ARHGAP32: variants seen among roughly 807,000 people sequenced by gnomAD.
ARHGAP32 encodes the protein rho GTPase-activating protein 32.
A neutral mutation model predicts 186.5 loss-of-function variants in ARHGAP32; 51 were observed. The ratio of observed to expected loss-of-function variants is 0.27; its 90% CI spans 0.22 to 0.35. The LOEUF (loss-of-function observed/expected upper bound fraction) is 0.35. Ranked by LOEUF, ARHGAP32 falls within the 10% of genes least tolerant of loss-of-function variation. The probability of loss-of-function intolerance (pLI) is 1.00; values close to 1 mark genes in which losing one functional copy is unlikely to be tolerated. For missense variants in ARHGAP32, 2,186 were observed against 2,623.5 expected, an observed-to-expected ratio of 0.83 and a Z score of 3.64; for synonymous variants, 950 against 964.3, an observed-to-expected ratio of 0.99 and a Z score of 0.27.
chr11:129,075,848 C>G (rs1673449629), intron 6 of ARHGAP32, among the ~76,000 whole-genome samples: 1 of 152,132 alleles, frequency 6.6e-6, no homozygotes, highest in South Asian at 2.1e-4. Flanking sequence ...AGGACTCCAT[C>G]TTGAAGAGGT....
intron 2 of ARHGAP32, among the ~76,000 whole-genome samples, chr11:129,131,568 A>C (rs1942811226): frequency 6.6e-6 from 1 of 151,966 alleles, no homozygotes; most frequent in Non-Finnish European, 1.5e-5. Flanking sequence ...AAAACCACCC[A>C]AAACCACTTT....
At chr11:129,112,463 GT>G (rs944512644) in intron 5 of ARHGAP32, among the ~76,000 whole-genome samples, 12 of 147,436 alleles carry the variant, frequency 8.1e-5, no homozygotes, top group Non-Finnish European at 1.2e-4. Context: ...TAGTTAGTTT[GT>G]TTTTTTTTTA....
intron 12 of ARHGAP32, among the ~76,000 whole-genome samples, chr11:128,994,151 ATTTTTTTTTC>A (rs972731920): frequency 1.5e-4 from 23 of 149,758 alleles, no homozygotes; most frequent in African/African-American, 5.6e-4. Context: ...ACTCTCTTTC[ATTTTTTTTTC>A]TTTTTTTTTT....
chr11:129,023,950 G>A (rs1938714548), intron 11 of ARHGAP32: 2 of 985,242 alleles, frequency 2.0e-6, no homozygotes, highest in Non-Finnish European at 2.4e-6. Context: ...CAACAGCTCT[G>A]CATTCCGTAC....
At chr11:129,017,447 C>CAAAAAAA (rs71472084) in intron 11 of ARHGAP32, among the ~76,000 whole-genome samples, 1 of 89,624 alleles carries the variant, frequency 1.1e-5, no homozygotes, top group African/African-American at 4.1e-5. Flanking sequence ...GACCCGGTCT[C>CAAAAAAA]AAAAAAAAAA....
chr11:129,222,202 A>G (rs1449490405), intron 1 of ARHGAP32, among the ~76,000 whole-genome samples: 3 of 152,174 alleles, frequency 2.0e-5, no homozygotes, highest in Non-Finnish European at 4.4e-5. Flanking sequence ...AAGAAACGTG[A>G]CAAGTGAACC....
At chr11:129,075,980 C>T (rs1009928576) in intron 6 of ARHGAP32, among the ~76,000 whole-genome samples, 1 of 152,118 alleles carries the variant, frequency 6.6e-6, no homozygotes, top group South Asian at 2.1e-4. Flanking sequence ...GATAAAATAG[C>T]AGGCGGTAAA....
At chr11:129,262,319 T>C (rs1379423376) in intron 1 of ARHGAP32, among the ~76,000 whole-genome samples, 3 of 152,120 alleles carry the variant, frequency 2.0e-5, no homozygotes, top group Non-Finnish European at 4.4e-5. Flanking sequence ...AAATATCTAC[T>C]GAATTAATGT....
intron 1 of ARHGAP32, among the ~76,000 whole-genome samples, chr11:129,238,489 C>T (rs1053214328): frequency 6.6e-6 from 1 of 152,128 alleles, no homozygotes; most frequent in Non-Finnish European, 1.5e-5. Flanking sequence ...CCTCCACTAC[C>T]ACCACACATC....
chr11:129,124,752 G>T (rs1315485420), intron 3 of ARHGAP32, 51 bp downstream of exon 3: 3 of 1,380,926 alleles, frequency 2.2e-6, no homozygotes, highest in South Asian at 1.3e-5. Context: ...TTGAAGAACT[G>T]ATTTCCATTC....
intron 1 of ARHGAP32, among the ~76,000 whole-genome samples, chr11:129,254,690 A>C (rs1197011921): frequency 2.0e-5 from 3 of 152,112 alleles, no homozygotes; most frequent in African/African-American, 7.2e-5. Context: ...TAAGCAAACT[A>C]ATTTCCAAAC....
At position 128,972,490 on chromosome 11, in the gene ARHGAP32, T is replaced by C; in HGVS notation, c.4016A>G (p.Gln1339Arg). Residue 1339 changes from glutamine to arginine, a missense_variant, in exon 22 of 23, where the codon CAA becomes CGA. Transcript: ENST00000682385. ...ATTTAATCCTATATTGGTTGCTGCT[T>C]GTACCTGCCCCACAACTGGTGGCTG... ...AEQPPVVGQV[Q>R]AATNIGLNNS... is the part of the protein sequence containing the mutation. 1.3e-6 allele frequency: 2 copies of C among 1,527,494 alleles called. No individual in the cohort carries two copies. The highest frequency in any genetic ancestry group is 1.8e-6 in the Non-Finnish European group (2 of 1,138,822). The allele number at this position is 1,527,494 out of a possible 1,614,324, so 94.6% of individuals were successfully genotyped here. A position where few individuals can be genotyped will look rare whatever the true frequency, so the allele number is the denominator to read the frequency against.
At chr11:129,184,599 T>C (rs908681896) in intron 1 of ARHGAP32, among the ~76,000 whole-genome samples, 1 of 151,796 alleles carries the variant, frequency 6.6e-6, no homozygotes, top group African/African-American at 2.4e-5. Context: ...AAATAAAAGA[T>C]TAAGGGGACT....
At chr11:129,126,020 A>T (rs1019731868) in intron 2 of ARHGAP32, 1 of 440,040 alleles carries the variant, frequency 2.3e-6, no homozygotes, top group African/African-American at 2.0e-5. Flanking sequence ...TTTTTCCTCT[A>T]TCTTGAAACA....
intron 1 of ARHGAP32, among the ~76,000 whole-genome samples, chr11:129,190,073 G>T (rs1944242182): frequency 6.6e-6 from 1 of 152,196 alleles, no homozygotes; most frequent in African/African-American, 2.4e-5. Flanking sequence ...ACATGTATTT[G>T]CAGAGATTTT....
In ARHGAP32 at chr11:129,104,333, T is replaced by C. The variant is rs375033857; in HGVS notation, c.445-10626A>G. 3.9e-5 allele frequency among the ~76,000 whole-genome samples: 6 copies of C among 152,176 alleles called. No individual in the cohort carries two copies. The East Asian group carries it at 9.6e-4, about 24-fold the overall frequency. ...AATTATGAAAGATGAAAAGTTAGAA[T>C]TATCATCCTGAACAACACTAACATG... On this transcript the variant is annotated intron_variant, in intron 5 of 22. Transcript: ENST00000682385.
intron 1 of ARHGAP32, among the ~76,000 whole-genome samples, chr11:129,217,390 AG>A (rs1944660816): frequency 6.6e-6 from 1 of 152,182 alleles, no homozygotes; most frequent in African/African-American, 2.4e-5. Flanking sequence ...AGTGCAAGAT[AG>A]GTCACCCTGG....
At position 128,972,986 on chromosome 11, in the gene ARHGAP32, C is replaced by T. The variant is rs776440785; in HGVS notation, c.3520G>A (p.Asp1174Asn). The change falls in exon 22 of 23, where the codon GAC (aspartate) becomes AAC (asparagine). Residue 1174 changes from aspartate (D) to asparagine (N), a missense_variant. Physicochemically the swap from Asp to Asn is conservative, Grantham distance 23. This residue lies in a region of ARHGAP32 where 1,502 missense variants were observed against 1,570.0 expected (regional missense o/e 0.96). Coordinates refer to ENST00000682385, the MANE Select transcript of ARHGAP32 (RefSeq NM_001378024.1). ...NQPHQAYLSG[D>N]PEKARITSVP... is the part of the protein sequence containing the mutation. ...GAAGTAATTCTGGCCTTTTCTGGGT[C>T]CCCAGATAAATATGCTTGATGTGGC... is the stretch of plus-strand genomic sequence containing the variant. 4.3e-6 allele frequency: 7 copies of T among 1,613,978 alleles called. No homozygotes were observed. The South Asian group carries it at 7.7e-5, about 18-fold the overall frequency.
intron 1 of ARHGAP32, among the ~76,000 whole-genome samples, chr11:129,228,896 G>A (rs547830094): frequency 3.1e-4 from 47 of 152,176 alleles, no homozygotes; most frequent in African/African-American, 1.0e-3. Flanking sequence ...AACAAAATTG[G>A]CAATAAACTC....
Sources: allele counts gnomAD v4.1 joint callset (sites outside exome capture counted in the v4.1 genomes callset), GRCh38; gene constraint gnomAD v4.1.1; regional missense constraint gnomAD v4.1.1; transcripts MANE v1.5; gene names NCBI Gene and HGNC (gene_info 2026-07-23, HGNC 2026-07-21).